SKI: variants seen among roughly 807,000 people sequenced by gnomAD.
SKI encodes ski oncogene.
Under a neutral mutation model 59.3 loss-of-function variants are expected in SKI, and 23 were observed. The observed-to-expected ratio is 0.39, with a 90% CI of 0.28 to 0.55. SKI has a LOEUF of 0.55. Ranked by LOEUF, SKI falls within the 20% of genes least tolerant of loss-of-function variation. The pLI is 0.67. For synonymous variants in SKI, 673 were observed against 488.6 expected (o/e 1.38, Z -4.98); for missense variants, 1,017 against 1,038.9 (o/e 0.98, Z 0.29).
chr1:2,294,804 C>T (rs1400839786), intron 1 of SKI, among the ~76,000 whole-genome samples: 2 of 152,238 alleles, frequency 1.3e-5, no homozygotes, highest in African/African-American at 4.8e-5. Flanking sequence ...AGTCTCCTGG[C>T]ACCTGGGCTG....
rs1411853845 is a variant in SKI at position 2,310,165 on chromosome 1, C to A, written c.*3400C>A. 6.6e-6 allele frequency: 1 copy of A among 152,054 alleles called. No individual in the cohort carries two copies. The highest frequency in any genetic ancestry group is 2.4e-5 in the African/African-American group (1 of 41,412). 9.4% of individuals were successfully genotyped at this position (152,054 alleles called of 1,614,324 possible). On this transcript the variant is annotated 3_prime_UTR_variant, in exon 7 of 7. Coordinates refer to ENST00000378536, the MANE Select transcript of SKI (RefSeq NM_003036.4). Reference sequence around the variant, plus strand: ...TTTCGCTGTGTACCTGTTAGTCCTTCCCCGACCCCGAAACAGATGACATTG... The same window carrying A: ...TTTCGCTGTGTACCTGTTAGTCCTTACCCGACCCCGAAACAGATGACATTG...
chr1:2,297,795 G>C (rs1315095731), intron 1 of SKI, among the ~76,000 whole-genome samples: 1 of 152,252 alleles, frequency 6.6e-6, no homozygotes, highest in African/African-American at 2.4e-5. Flanking sequence ...GCTGAGGAGA[G>C]GAGGCGTGGG....
intron 1 of SKI, among the ~76,000 whole-genome samples, chr1:2,297,185 C>T (rs1283384447): frequency 6.6e-6 from 1 of 152,126 alleles, no homozygotes; most frequent in African/African-American, 2.4e-5. Flanking sequence ...TACCTCACTG[C>T]AGCCTCGACC....
chr1:2,229,008 C>A lies in SKI; in HGVS notation c.242C>A (p.Pro81Gln), dbSNP rs542659326. Residue 81 changes from proline (P) to glutamine (Q), a missense_variant, in exon 1 of 7, where the codon CCG (proline) becomes CAG (glutamine). Transcript: ENST00000378536. This position sits in a 1 kb window ranked among gnomAD's most constrained non-coding sequence, Gnocchi z 6.3. ...PPVLHLPAIQ[P>Q]PPPVLPGPFF... Reference sequence around the variant, plus strand: ...GTGCTGCACCTGCCCGCCATCCAGCCGCCGCCGCCCGTGCTGCCCGGGCCC... The same window carrying A: ...GTGCTGCACCTGCCCGCCATCCAGCAGCCGCCGCCCGTGCTGCCCGGGCCC... 1.1e-5 allele frequency: 17 copies of A among 1,572,086 alleles called. No homozygotes were observed. In the African/African-American group the frequency reaches 2.3e-4, roughly 21 times the overall value.
chr1:2,280,779 G>A (rs376435568), intron 1 of SKI, among the ~76,000 whole-genome samples: 20 of 3,906 alleles, frequency 5.1e-3, no homozygotes, highest in Admixed American at 0.014. Context: ...TTCAGAGAGA[G>A]GACGCCCGAG....
intron 1 of SKI, among the ~76,000 whole-genome samples, chr1:2,273,935 A>G (rs1443257974): frequency 6.6e-6 from 1 of 151,984 alleles, no homozygotes; most frequent in Non-Finnish European, 1.5e-5. Flanking sequence ...CTGGAAGGTG[A>G]CGGCATCTCC....
rs1640452896 is a variant in SKI, at chr1:2,302,621, C to T, written c.970-357C>T. 3.9e-5 allele frequency among the ~76,000 whole-genome samples: 6 copies of T among 152,092 alleles called. 2 individuals carry two copies. The South Asian group carries it at 1.2e-3, about 31-fold the overall frequency. ...TTTGGCAGGAGAAGGACGAGGGACTCCTGGCCAGGCTGAGCCGCTGTGGAA... is the reference window on the plus strand; with the variant it reads ...TTTGGCAGGAGAAGGACGAGGGACTTCTGGCCAGGCTGAGCCGCTGTGGAA... On this transcript the variant is annotated intron_variant, in intron 1 of 6. Transcript: ENST00000378536.
chr1:2,289,417 C>T (rs1640113426), intron 1 of SKI, among the ~76,000 whole-genome samples: 1 of 151,862 alleles, frequency 6.6e-6, no homozygotes, highest in African/African-American at 2.4e-5. Flanking sequence ...TGAGGCCCCT[C>T]CTCTAAGATC....
Position 2,308,731 on chromosome 1 carries a change from GC to G in SKI, c.*1969del, listed in dbSNP as rs1479160515. The G allele has an allele frequency of 2.6e-5, 4 of 152,152 alleles. No individual in the cohort carries two copies. Among genetic ancestry groups the G allele is most frequent in the Non-Finnish European group, 5.9e-5 (4 of 68,048 alleles). The allele number at this position is 152,152 out of a possible 1,614,324, so 9.4% of individuals were successfully genotyped here. A position where few individuals can be genotyped will look rare whatever the true frequency, so the allele number is the denominator to read the frequency against. On this transcript the variant is annotated 3_prime_UTR_variant, in exon 7 of 7. Coordinates refer to ENST00000378536, the MANE Select transcript of SKI (RefSeq NM_003036.4). ...GGTCGAAGATCACAGTGAGGTAGAG[GC>G]CCTGCCCCATCCCCAGGGCCGCCAG... is the stretch of plus-strand genomic sequence containing the variant.
rs758328231 is a variant in SKI, at chr1:2,303,270, ACT to A, written c.1096-12_1096-11del. ...TTTCTCCTGGTCACTCACACAGACA[ACT>A]CTTTCTCGACAGAGCCTGGGCTGTG... On this transcript the variant is annotated splice_polypyrimidine_tract_variant and intron_variant, in intron 2 of 6. Coordinates refer to ENST00000378536, the MANE Select transcript of SKI (RefSeq NM_003036.4). This position sits in a 1 kb window ranked among gnomAD's most constrained non-coding sequence, Gnocchi z 5.6. 4 of 1,611,592 alleles carry A rather than the reference ACT, an allele frequency of 2.5e-6. No homozygotes were observed. Among genetic ancestry groups the A allele is most frequent in the Non-Finnish European group, 8.5e-7 (1 of 1,179,324 alleles).
At chr1:2,248,246 C>T (rs563483674) in intron 1 of SKI, among the ~76,000 whole-genome samples, 4 of 152,282 alleles carry the variant, frequency 2.6e-5, no homozygotes, top group South Asian at 2.1e-4. Context: ...CACACTGCCG[C>T]GTCCCCTCTC....
intron 1 of SKI, among the ~76,000 whole-genome samples, chr1:2,278,040 G>T (rs1639784526): frequency 6.6e-6 from 1 of 152,246 alleles, no homozygotes; most frequent in Non-Finnish European, 1.5e-5. Flanking sequence ...ACCCACTCCC[G>T]ATGGCTTCGG....
intron 1 of SKI, among the ~76,000 whole-genome samples, chr1:2,230,435 C>T (rs1638609337): frequency 1.3e-5 from 2 of 152,154 alleles, no homozygotes; most frequent in South Asian, 4.1e-4. Context: ...GGGGTGAGGG[C>T]CATTTGGCAC....
intron 1 of SKI, among the ~76,000 whole-genome samples, chr1:2,273,869 G>C (rs939083923): frequency 6.6e-6 from 1 of 152,162 alleles, no homozygotes; most frequent in Non-Finnish European, 1.5e-5. Context: ...ACGTGCTCTT[G>C]GGTGGTTGTG....
At chr1:2,278,844 C>T (rs927382781) in intron 1 of SKI, among the ~76,000 whole-genome samples, 6 of 152,194 alleles carry the variant, frequency 3.9e-5, no homozygotes, top group African/African-American at 1.4e-4. Flanking sequence ...GAGCACTGCC[C>T]TGTGAGCCAG....
intron 1 of SKI, among the ~76,000 whole-genome samples, chr1:2,300,626 C>T (rs1250746953): frequency 6.6e-6 from 1 of 152,228 alleles, no homozygotes. Flanking sequence ...ACTTCCTCCG[C>T]CCACAGGGGC....
At chr1:2,243,099 G>A (rs1569701010) in intron 1 of SKI, among the ~76,000 whole-genome samples, 2 of 152,242 alleles carry the variant, frequency 1.3e-5, no homozygotes, top group Admixed American at 1.3e-4. Flanking sequence ...TGGGATATGA[G>A]TGCCTTGGGT....
At position 2,302,913 on chromosome 1, in the gene SKI, G is replaced by A. The variant is rs567310013; in HGVS notation, c.970-65G>A. The A allele has an allele frequency of 5.0e-6, 8 of 1,608,404 alleles. No individual in the cohort carries two copies. In the African/African-American group the frequency reaches 8.0e-5, roughly 16 times the overall value. On this transcript the variant is annotated intron_variant, in intron 1 of 6. Coordinates refer to ENST00000378536, the MANE Select transcript of SKI (RefSeq NM_003036.4). ...GCTCTGACTGCCATGTGCCAGCCACGGGGCTGGTGGAGGGACCCTGCCCTG... is the reference window on the plus strand; with the variant it reads ...GCTCTGACTGCCATGTGCCAGCCACAGGGCTGGTGGAGGGACCCTGCCCTG...
intron 1 of SKI, among the ~76,000 whole-genome samples, chr1:2,256,837 G>A (rs370984562): frequency 3.8e-4 from 58 of 152,312 alleles, no homozygotes; most frequent in African/African-American, 1.4e-3. Context: ...CAGACACCTC[G>A]AGGCGGCTTG....
Sources: gnomAD v4.1 joint callset for allele counts (sites outside exome capture counted in the v4.1 genomes callset) on GRCh38, gnomAD v4.1.1 for gene constraint, Gnocchi (gnomAD v3.1) non-coding constraint, MANE v1.5 for transcripts, NCBI Gene and HGNC (gene_info 2026-07-23, HGNC 2026-07-21) for gene names.